The following TACC2 variants were observed in gnomAD, a reference collection of about 807,000 sequenced individuals.
The protein encoded by TACC2 is transforming acidic coiled-coil-containing protein 2.
In TACC2, 137 loss-of-function variants were observed where a neutral mutation model predicts 227.3. That is an observed-to-expected ratio of 0.60 (90% confidence interval 0.52 to 0.69). TACC2 has a LOEUF of 0.69. TACC2 is among the 30% of genes least tolerant of loss of function. TACC2 has a pLI of 0.00. For missense variants in TACC2, 3,470 were observed against 3,694.4 expected, an observed-to-expected ratio of 0.94 and a Z score of 1.57; for synonymous variants, 1,523 against 1,487.5, an observed-to-expected ratio of 1.02 and a Z score of -0.55.
chr10:122,062,179 C>T (rs1322569419), intron 3 of TACC2, among the ~76,000 whole-genome samples: 1 of 151,976 alleles, frequency 6.6e-6, no homozygotes, highest in African/African-American at 2.4e-5. Context: ...ACTACAGGTG[C>T]CCGCCACCAC....
chr10:122,242,153 C>A (rs2096010649), intron 19 of TACC2, 152 bp downstream of exon 19: 3 of 743,730 alleles, frequency 4.0e-6, no homozygotes, highest in Non-Finnish European at 7.0e-6. Flanking sequence ...ATGGCTTTGC[C>A]CCAGGACAGA....
intron 3 of TACC2, among the ~76,000 whole-genome samples, chr10:122,053,693 C>T (rs1258416736): frequency 6.6e-6 from 1 of 152,186 alleles, no homozygotes; most frequent in Non-Finnish European, 1.5e-5. Context: ...AACCAGAGGA[C>T]ACGGTCTGGA....
intron 1 of TACC2, among the ~76,000 whole-genome samples, chr10:122,010,927 C>G (rs771516177): frequency 3.3e-5 from 5 of 152,162 alleles, no homozygotes; most frequent in Non-Finnish European, 7.3e-5. Flanking sequence ...TTCTCTTGGT[C>G]TCAGCTGAGA....
intron 1 of TACC2, among the ~76,000 whole-genome samples, chr10:121,996,197 G>A (rs889426552): frequency 2.0e-5 from 3 of 152,062 alleles, no homozygotes; most frequent in African/African-American, 7.2e-5. Context: ...GGGACCACAG[G>A]CACGCACCAC....
chr10:122,063,952 A>T (rs1417425652), intron 3 of TACC2, among the ~76,000 whole-genome samples: 11 of 151,990 alleles, frequency 7.2e-5, no homozygotes, highest in Admixed American at 5.9e-4. Context: ...ACTTGAGGTC[A>T]GGAGTTTGAG....
intron 2 of TACC2, among the ~76,000 whole-genome samples, chr10:122,049,852 A>G (rs2075480569): frequency 6.6e-6 from 1 of 152,166 alleles, no homozygotes; most frequent in Non-Finnish European, 1.5e-5. Flanking sequence ...TTATAAAAAC[A>G]ACAACAACAA....
chr10:122,195,252 C>T, intron 8 of TACC2, 76 bp downstream of exon 8: 1 of 1,359,656 alleles, frequency 7.4e-7, no homozygotes. Flanking sequence ...GCAGTTCCTC[C>T]TGGGTCAGGC....
At chr10:121,997,607 GAGA>G (rs77556052) in intron 1 of TACC2, among the ~76,000 whole-genome samples, 23,175 of 151,964 alleles carry the variant, frequency 0.15, 2,167 homozygotes, top group Admixed American at 0.24. Flanking sequence ...GGTTTTCAGA[GAGA>G]AGAACAAAGG....
intron 7 of TACC2, among the ~76,000 whole-genome samples, chr10:122,181,840 T>G (rs1483646585): frequency 6.6e-6 from 1 of 152,194 alleles, no homozygotes; most frequent in Non-Finnish European, 1.5e-5. Flanking sequence ...CAATACTTAT[T>G]CCCTACAATT....
intron 3 of TACC2, among the ~76,000 whole-genome samples, chr10:122,077,966 G>A (rs1354596848): frequency 2.0e-5 from 3 of 151,968 alleles, no homozygotes; most frequent in East Asian, 1.9e-4. Context: ...AGGCCGAGGC[G>A]GGCAGATCAC....
intron 1 of TACC2, among the ~76,000 whole-genome samples, chr10:122,020,586 G>A (rs745912358): frequency 1.8e-4 from 27 of 152,104 alleles, no homozygotes; most frequent in South Asian, 6.2e-4. Flanking sequence ...TAAGCTCTCC[G>A]AGGAAACGCT....
At chr10:122,025,536 C>T (rs1957878717) in intron 2 of TACC2, among the ~76,000 whole-genome samples, 2 of 151,658 alleles carry the variant, frequency 1.3e-5, no homozygotes, top group African/African-American at 2.4e-5. Context: ...GCTGAGATTA[C>T]AGGCTTGAGC....
At chr10:122,105,972 ATG>A (rs1312600286) in intron 5 of TACC2, among the ~76,000 whole-genome samples, 97 of 103,372 alleles carry the variant, frequency 9.4e-4, no homozygotes, top group African/African-American at 3.1e-3. Context: ...GTGTGTGTGT[ATG>A]TATATACATA....
At chr10:122,007,365 T>C (rs999763239) in intron 1 of TACC2, among the ~76,000 whole-genome samples, 2 of 152,208 alleles carry the variant, frequency 1.3e-5, no homozygotes, top group African/African-American at 4.8e-5. Context: ...CAAGGTATTT[T>C]ATATATGCTG....
intron 7 of TACC2, among the ~76,000 whole-genome samples, chr10:122,169,610 G>A (rs2093365975): frequency 6.6e-6 from 1 of 152,186 alleles, no homozygotes; most frequent in Non-Finnish European, 1.5e-5. Context: ...TTGGTACAGG[G>A]CTCAGACTTA....
chr10:122,091,169 G>A (rs551680123), intron 5 of TACC2, among the ~76,000 whole-genome samples: 39 of 152,100 alleles, frequency 2.6e-4, no homozygotes, highest in Middle Eastern at 6.8e-3. Context: ...AGAGCTGCTC[G>A]GTCTAGCATA....
At chr10:122,088,252 C>T (rs2080305118) in intron 4 of TACC2, among the ~76,000 whole-genome samples, 1 of 152,022 alleles carries the variant, frequency 6.6e-6, no homozygotes, top group Non-Finnish European at 1.5e-5. Context: ...TGGCTGTGTA[C>T]TATTAAGTGA....
chr10:122,174,617 A>T (rs1009058205), intron 7 of TACC2, among the ~76,000 whole-genome samples: 1 of 152,150 alleles, frequency 6.6e-6, no homozygotes, highest in Non-Finnish European at 1.5e-5. Context: ...TAAATTGAGA[A>T]ATAAAAATTC....
In TACC2 at chr10:122,050,804, A is replaced by G; in HGVS notation, c.146+254A>G. On this transcript the variant is annotated intron_variant, in intron 3 of 22. Coordinates refer to ENST00000369005, the MANE Select transcript of TACC2 (RefSeq NM_206862.4). The surrounding 1 kb of genome is among the most constrained non-coding windows in gnomAD (Gnocchi z 4.6). ...AATTATAGACTTCCATTCCAGCCAC[A>G]CTCCAGAGTATCTTCATTGTCAGAA... The G allele has an allele frequency of 2.1e-6, 1 of 468,604 alleles. No homozygotes were observed. 29.0% of individuals were successfully genotyped at this position (468,604 alleles called of 1,614,324 possible). A position where few individuals can be genotyped will look rare whatever the true frequency, so the allele number is the denominator to read the frequency against.
Sources: gnomAD v4.1 joint callset for allele counts (sites outside exome capture counted in the v4.1 genomes callset) on GRCh38, gnomAD v4.1.1 for gene constraint, Gnocchi (gnomAD v3.1) non-coding constraint, MANE v1.5 for transcripts, NCBI Gene and HGNC (gene_info 2026-07-23, HGNC 2026-07-21) for gene names.